Variants in MCF2L observed in about 807,000 individuals in gnomAD.
MCF2L encodes MCF.2 cell line derived transforming sequence like.
In MCF2L, 97 loss-of-function variants were observed where a neutral mutation model predicts 153.4. The ratio of observed to expected loss-of-function variants is 0.63; its 90% CI spans 0.54 to 0.75. The LOEUF is 0.75. Among genes scored for constraint, MCF2L ranks in the 30% least tolerant of loss-of-function variants. The pLI is 0.00. For synonymous variants in MCF2L, 659 were observed against 632.2 expected, an observed-to-expected ratio of 1.04 and a Z score of -0.64; for missense variants, 1,347 against 1,495.2, an observed-to-expected ratio of 0.90 and a Z score of 1.64.
chr13:112,914,215 C>T (rs2081266316), intron 2 of MCF2L, among the ~76,000 whole-genome samples: 2 of 152,246 alleles, frequency 1.3e-5, no homozygotes, highest in Admixed American at 1.3e-4. Flanking sequence ...GTGCGTCCCC[C>T]AAGAGGGCCT....
At chr13:112,997,377 G>A (rs574521742) in intron 1 of MCF2L, among the ~76,000 whole-genome samples, 1 of 152,320 alleles carries the variant, frequency 6.6e-6, no homozygotes, top group South Asian at 2.1e-4. Flanking sequence ...GTGTTACACA[G>A]GCAGCTCCTG....
chr13:112,971,752 C>T (rs1466047280), intron 1 of MCF2L, among the ~76,000 whole-genome samples: 1 of 152,230 alleles, frequency 6.6e-6, no homozygotes, highest in Non-Finnish European at 1.5e-5. Flanking sequence ...ACCTGATCTT[C>T]AGTAACAAGG....
chr13:113,085,196 C>G lies in MCF2L; in HGVS notation c.2247+18C>G, dbSNP rs574781440. ...TGCTCAAGGTGGGCTCCGCGGTGAC[C>G]GTGGCCCGGCCTCCCCAGCACCTGC... is the stretch of plus-strand genomic sequence containing the variant. On this transcript the variant is annotated intron_variant, in intron 20 of 29. Coordinates refer to ENST00000535094, the MANE Select transcript of MCF2L (RefSeq NM_001112732.3). 3.1e-6 allele frequency: 5 copies of G among 1,609,380 alleles called. No individual in the cohort carries two copies. Among genetic ancestry groups the G allele is most frequent in the Non-Finnish European group, 4.2e-6 (5 of 1,177,536 alleles).
chr13:112,998,997 A>T (rs534296417), intron 1 of MCF2L, among the ~76,000 whole-genome samples: 1 of 152,196 alleles, frequency 6.6e-6, no homozygotes, highest in Non-Finnish European at 1.5e-5. Context: ...AGCCATGGCC[A>T]CAGCGATGAG....
At chr13:113,039,523 C>A (rs949050045) in intron 3 of MCF2L, among the ~76,000 whole-genome samples, 4 of 152,106 alleles carry the variant, frequency 2.6e-5, no homozygotes, top group Non-Finnish European at 5.9e-5. Flanking sequence ...ATGAAGAGAT[C>A]GACACGGAAA....
chr13:113,077,941 G>A (rs1365401781), intron 13 of MCF2L, among the ~76,000 whole-genome samples: 1 of 152,230 alleles, frequency 6.6e-6, no homozygotes, highest in Non-Finnish European at 1.5e-5. Context: ...TTTTCTGCCT[G>A]TTGGGAGCTC....
chr13:112,971,084 T>C (rs1194166426), intron 1 of MCF2L, among the ~76,000 whole-genome samples: 1 of 152,170 alleles, frequency 6.6e-6, no homozygotes, highest in Non-Finnish European at 1.5e-5. Flanking sequence ...ACAAACCCAT[T>C]TTCTGCTCAC....
At chr13:113,048,740 C>T (rs1379758095) in intron 4 of MCF2L, among the ~76,000 whole-genome samples, 1 of 152,204 alleles carries the variant, frequency 6.6e-6, no homozygotes, top group Non-Finnish European at 1.5e-5. Context: ...CCGCGCCCGG[C>T]TTATGGTCAT....
rs1422197038 is a variant in MCF2L, at chr13:113,096,758, C to T, written c.3293-16C>T. On this transcript the variant is annotated splice_polypyrimidine_tract_variant and intron_variant, in intron 29 of 29. Coordinates refer to ENST00000535094, the MANE Select transcript of MCF2L (RefSeq NM_001112732.3). ...GAGCCGACGCCGAAGCCCGTCCCCG[C>T]CTGATCTCCCCGCAGAGTCGAGCCC... is the stretch of plus-strand genomic sequence containing the variant. The T allele has an allele frequency of 1.3e-6, 2 of 1,564,864 alleles. No individual in the cohort carries two copies. The highest frequency in any genetic ancestry group is 1.7e-6 in the Non-Finnish European group (2 of 1,163,694).
At position 112,932,207 on chromosome 13, in the gene MCF2L, G is replaced by T. The variant is rs1201454148; in HGVS notation, c.169+29836G>T. 6.6e-6 allele frequency among the ~76,000 whole-genome samples: 1 copy of T among 152,178 alleles called. No homozygotes were observed. Among genetic ancestry groups the T allele is most frequent in the East Asian group, 1.9e-4 (1 of 5,174 alleles). ...GTCAGCACCGATGGCGACCAGGCGT[G>T]TAGACTCGTGCCCTGGGTAAGGCGT... On this transcript the variant is annotated intron_variant, in intron 2 of 29. Coordinates refer to the MCF2L transcript ENST00000375608. The surrounding 1 kb of genome is among the most constrained non-coding windows in gnomAD (Gnocchi z 4.6).
Position 113,078,305 on chromosome 13 carries a change from T to G in MCF2L, c.1661-58T>G, listed in dbSNP as rs911612728. 3.6e-6 allele frequency: 5 copies of G among 1,391,722 alleles called. No homozygotes were observed. In the African/African-American group the frequency reaches 7.1e-5, roughly 20 times the overall value. 86.2% of individuals were successfully genotyped at this position (1,391,722 alleles called of 1,614,324 possible). ...CGGGGCCTTTTCCCGCTGGGTGCAC[T>G]TCCCCTCTCCAGAGGGTCAGAGGGG... On this transcript the variant is annotated intron_variant, in intron 13 of 29. Transcript: ENST00000535094.
intron 18 of MCF2L, 143 bp downstream of exon 18, chr13:113,084,210 T>C (rs951976144): frequency 2.7e-6 from 2 of 729,386 alleles, no homozygotes; most frequent in Non-Finnish European, 4.7e-6. Context: ...ACCATGATGC[T>C]CCTGTACCCC....
chr13:113,081,536 T>C (rs2034137041), intron 16 of MCF2L, among the ~76,000 whole-genome samples: 2 of 152,226 alleles, frequency 1.3e-5, no homozygotes, highest in African/African-American at 4.8e-5. Context: ...ACACAACAGA[T>C]GCACAAACCA....
chr13:112,930,302 A>G (rs757754384), intron 2 of MCF2L, among the ~76,000 whole-genome samples: 11 of 152,226 alleles, frequency 7.2e-5, no homozygotes, highest in Non-Finnish European at 1.3e-4. Context: ...CCAGTATGTC[A>G]TTCAGTAGAT....
chr13:113,033,343 A>G (rs78559223), intron 3 of MCF2L, among the ~76,000 whole-genome samples: 1,080 of 26,658 alleles, frequency 0.041, 208 homozygotes, highest in East Asian at 0.17. Flanking sequence ...CCCCCGTGAC[A>G]TTAGTGGACC....
At chr13:113,095,477 G>A (rs2035569092) in intron 27 of MCF2L, 1 of 1,073,912 alleles carries the variant, frequency 9.3e-7, no homozygotes, top group South Asian at 2.8e-5. Context: ...ACGGGGCCTG[G>A]GGAGGGATTT....
chr13:112,928,192 G>T (rs1227265901), intron 2 of MCF2L, among the ~76,000 whole-genome samples: 1 of 152,232 alleles, frequency 6.6e-6, no homozygotes, highest in Non-Finnish European at 1.5e-5. Flanking sequence ...GTGGGCAGCC[G>T]TTGCTGGGGA....
chr13:113,033,025 G>A (rs2085832569), intron 3 of MCF2L, among the ~76,000 whole-genome samples: 1 of 150,132 alleles, frequency 6.7e-6, no homozygotes, highest in African/African-American at 2.5e-5. Flanking sequence ...TGACATTAGT[G>A]GACCCCGTGG....
intron 1 of MCF2L, among the ~76,000 whole-genome samples, chr13:112,973,813 T>C (rs1208563358): frequency 6.6e-6 from 1 of 152,166 alleles, no homozygotes; most frequent in African/African-American, 2.4e-5. Context: ...AGGCAAGGTC[T>C]CAGGAGTGAG....
Sources: gnomAD v4.1 joint callset for allele counts (sites outside exome capture counted in the v4.1 genomes callset) on GRCh38, gnomAD v4.1.1 for gene constraint, Gnocchi (gnomAD v3.1) non-coding constraint, MANE v1.5 for transcripts, NCBI Gene and HGNC (gene_info 2026-07-23, HGNC 2026-07-21) for gene names.